The following DLGAP1 variants were observed in gnomAD, a reference collection of about 807,000 sequenced individuals.
The protein encoded by DLGAP1 is disks large-associated protein 1.
In DLGAP1, 11 loss-of-function variants were observed where a neutral mutation model predicts 90.8. That is an observed-to-expected ratio of 0.12 (90% CI 0.08 to 0.20). The LOEUF (loss-of-function observed/expected upper bound fraction) is 0.20. Among genes scored for constraint, DLGAP1 ranks in the 10% least tolerant of loss-of-function variants. The pLI, the probability that DLGAP1 is intolerant of heterozygous loss-of-function variation, is 1.00. For missense variants in DLGAP1, 1,050 were observed against 1,333.8 expected, an observed-to-expected ratio of 0.79 and a Z score of 3.31; for synonymous variants, 558 against 540.7, an observed-to-expected ratio of 1.03 and a Z score of -0.44.
At chr18:3,979,328 G>A (rs2073672610) in intron 3 of DLGAP1, among the ~76,000 whole-genome samples, 1 of 152,186 alleles carries the variant, frequency 6.6e-6, no homozygotes, top group Non-Finnish European at 1.5e-5. Flanking sequence ...GTACAGGTTT[G>A]CAGCCTAGTA....
At chr18:3,685,619 ATTTAT>A (rs1240351042) in intron 7 of DLGAP1, among the ~76,000 whole-genome samples, 1 of 144,460 alleles carries the variant, frequency 6.9e-6, no homozygotes, top group Non-Finnish European at 1.5e-5. Flanking sequence ...TTAATTATTT[ATTTAT>A]TTTGTAGAGA....
chr18:3,806,387 AGAC>A (rs2066561604), intron 5 of DLGAP1, among the ~76,000 whole-genome samples: 1 of 152,252 alleles, frequency 6.6e-6, no homozygotes, highest in Non-Finnish European at 1.5e-5. Flanking sequence ...TGCCATTCTT[AGAC>A]TCGTGTGTGT....
intron 8 of DLGAP1, among the ~76,000 whole-genome samples, chr18:3,569,997 A>ATACT (rs2054671694): frequency 6.6e-6 from 1 of 151,980 alleles, no homozygotes; most frequent in Non-Finnish European, 1.5e-5. Flanking sequence ...AGATACACAA[A>ATACT]TACTTAACAT....
intron 1 of DLGAP1, among the ~76,000 whole-genome samples, chr18:4,162,194 T>C (rs1047470992): frequency 6.6e-6 from 1 of 152,258 alleles, no homozygotes; most frequent in South Asian, 2.1e-4. Context: ...ATAAGGATGA[T>C]CCAAAGCGAT....
chr18:4,218,864 T>C (rs1456545791), intron 1 of DLGAP1, among the ~76,000 whole-genome samples: 2 of 151,730 alleles, frequency 1.3e-5, no homozygotes, highest in Admixed American at 1.3e-4. Flanking sequence ...ATTTTCTTTA[T>C]CCATTAACCC....
intron 4 of DLGAP1, among the ~76,000 whole-genome samples, chr18:3,819,019 G>A (rs115396245): frequency 0.011 from 1,719 of 151,922 alleles, 47 homozygotes; most frequent in African/African-American, 0.039. Context: ...TCAGTTGAAA[G>A]AGGAACACAC....
At chr18:3,892,835 A>G (rs961550514) in intron 3 of DLGAP1, among the ~76,000 whole-genome samples, 3 of 149,932 alleles carry the variant, frequency 2.0e-5, no homozygotes, top group African/African-American at 7.5e-5. Context: ...CCTGTTCCAT[A>G]TTTTGTTCAA....
At chr18:4,354,985 G>A (rs371248930) in intron 1 of DLGAP1, among the ~76,000 whole-genome samples, 12 of 143,342 alleles carry the variant, frequency 8.4e-5, no homozygotes, top group South Asian at 4.5e-4. Flanking sequence ...CAAAATGCTC[G>A]CCAGGATGCA....
chr18:3,761,402 A>G (rs1273515978), intron 5 of DLGAP1, among the ~76,000 whole-genome samples: 3 of 152,152 alleles, frequency 2.0e-5, no homozygotes, highest in Non-Finnish European at 4.4e-5. Flanking sequence ...GTCCATCCAC[A>G]ATGTCGAGTG....
At chr18:4,355,364 A>G (rs1417715050) in intron 1 of DLGAP1, among the ~76,000 whole-genome samples, 12 of 152,242 alleles carry the variant, frequency 7.9e-5, no homozygotes. Context: ...AAGGTTACAT[A>G]TGGTGTGATT....
chr18:4,337,391 C>A (rs373083851), intron 1 of DLGAP1, among the ~76,000 whole-genome samples: 8 of 151,928 alleles, frequency 5.3e-5, no homozygotes, highest in African/African-American at 1.4e-4. Flanking sequence ...GACGGGGTCG[C>A]CATGCTGCTT....
chr18:3,954,541 A>AT (rs1156997991), intron 3 of DLGAP1, among the ~76,000 whole-genome samples: 3 of 152,222 alleles, frequency 2.0e-5, no homozygotes, highest in Non-Finnish European at 4.4e-5. Flanking sequence ...ACACTTAATT[A>AT]TTTTTTAAGC....
chr18:3,600,883 TAG>T (rs1307962923), intron 7 of DLGAP1, among the ~76,000 whole-genome samples: 1,144 of 23,648 alleles, frequency 0.048, 176 homozygotes, highest in Non-Finnish European at 0.095. Context: ...GATATATAGA[TAG>T]ATATATAGAT....
At chr18:4,018,811 T>C (rs2074563107) in intron 2 of DLGAP1, among the ~76,000 whole-genome samples, 1 of 152,214 alleles carries the variant, frequency 6.6e-6, no homozygotes, top group Admixed American at 6.5e-5. Context: ...TTATTCGAAT[T>C]CTGAATTTAA....
chr18:3,553,563 TCA>T (rs1467343048), intron 9 of DLGAP1, among the ~76,000 whole-genome samples: 1 of 152,178 alleles, frequency 6.6e-6, no homozygotes, highest in African/African-American at 2.4e-5. Flanking sequence ...AGACAGAGTC[TCA>T]CTCTGTCGCC....
At chr18:3,859,561 T>C (rs958705058) in intron 4 of DLGAP1, among the ~76,000 whole-genome samples, 1 of 152,004 alleles carries the variant, frequency 6.6e-6, no homozygotes, top group Non-Finnish European at 1.5e-5. Context: ...CACAAATAAG[T>C]AGAAGGAAAG....
chr18:4,168,835 C>T (rs2076977232), intron 1 of DLGAP1, among the ~76,000 whole-genome samples: 1 of 152,200 alleles, frequency 6.6e-6, no homozygotes, highest in Non-Finnish European at 1.5e-5. Flanking sequence ...CCTACCACCT[C>T]AGCCTTCCAA....
At chr18:4,035,141 C>T (rs142596551) in intron 2 of DLGAP1, among the ~76,000 whole-genome samples, 60 of 152,270 alleles carry the variant, frequency 3.9e-4, no homozygotes, top group African/African-American at 1.3e-3. Flanking sequence ...TAAACATACA[C>T]GTGCATGTGT....
chr18:4,308,242 C>T (rs2143406981), intron 1 of DLGAP1, among the ~76,000 whole-genome samples: 1 of 152,296 alleles, frequency 6.6e-6, no homozygotes, highest in South Asian at 2.1e-4. Flanking sequence ...TACTCACTGC[C>T]CTCTGCCTTT....
Sources: allele counts gnomAD v4.1 joint callset (sites outside exome capture counted in the v4.1 genomes callset), GRCh38; gene constraint gnomAD v4.1.1; transcripts MANE v1.5; gene names NCBI Gene and HGNC (gene_info 2026-07-23, HGNC 2026-07-21).